The following MCTP2 variants were observed in gnomAD, a reference collection of about 807,000 sequenced individuals.
The protein encoded by MCTP2 is multiple C2 and transmembrane domain containing 2, also known as multiple C2 and transmembrane domain-containing protein 2.
A neutral mutation model predicts 111.6 loss-of-function variants in MCTP2; 132 were observed. That is an observed-to-expected ratio of 1.18 (90% CI 1.03 to 1.37). The LOEUF (loss-of-function observed/expected upper bound fraction) is 1.37, where lower values mean the gene tolerates loss of function less well. Among genes scored for constraint, MCTP2 ranks in the 40% most tolerant of loss-of-function variants. The pLI, the probability that MCTP2 is intolerant of heterozygous loss-of-function variation, is 0.00. For synonymous variants in MCTP2, 395 were observed against 387.7 expected (o/e 1.02, Z -0.22); for missense variants, 1,183 against 1,067.9 (o/e 1.11, Z -1.50).
At chr15:94,404,273 TG>T (rs1451222621) in intron 17 of MCTP2, among the ~76,000 whole-genome samples, 2 of 151,988 alleles carry the variant, frequency 1.3e-5, no homozygotes, top group Non-Finnish European at 2.9e-5. Context: ...GAATAATAAA[TG>T]TATTTCAGTT....
intron 1 of MCTP2, among the ~76,000 whole-genome samples, chr15:94,250,385 G>A (rs1255561220): frequency 2.0e-5 from 3 of 152,146 alleles, no homozygotes; most frequent in Non-Finnish European, 4.4e-5. Flanking sequence ...CTTCACTTGT[G>A]CTGATGGAGT....
At chr15:94,286,748 C>A (rs1313216675) in intron 1 of MCTP2, among the ~76,000 whole-genome samples, 1 of 152,152 alleles carries the variant, frequency 6.6e-6, no homozygotes, top group Non-Finnish European at 1.5e-5. Context: ...TAGAGGCCAG[C>A]TGGGGAGGAT....
rs191785364 is a variant in MCTP2 at position 94,245,376 on chromosome 15, A to G, written c.-66+13712A>G. On this transcript the variant is annotated intron_variant, in intron 1 of 22. Coordinates refer to ENST00000357742, the MANE Select transcript of MCTP2 (RefSeq NM_001385001.1). ...CATATGTATATATATTTACATACAT[A>G]TGTATATGTATTTATATACATGTGT... 2.7e-4 allele frequency among the ~76,000 whole-genome samples: 35 copies of G among 129,272 alleles called. 1 individual carries two copies. The East Asian group carries it at 4.8e-3, about 18-fold the overall frequency. The allele number at this position is 129,272 out of a possible 152,430, so 84.8% of individuals were successfully genotyped here.
intron 14 of MCTP2, among the ~76,000 whole-genome samples, chr15:94,389,088 C>T (rs1430326407): frequency 6.6e-5 from 10 of 151,980 alleles, no homozygotes; most frequent in Non-Finnish European, 8.8e-5. Context: ...CTCACAGGAA[C>T]GAGAAAGGGC....
At chr15:94,450,074 C>A (rs2084346847) in intron 19 of MCTP2, among the ~76,000 whole-genome samples, 1 of 151,564 alleles carries the variant, frequency 6.6e-6, no homozygotes, top group African/African-American at 2.4e-5. Context: ...ACTTTTTCAA[C>A]CCTATTATTT....
intron 2 of MCTP2, 77 bp from the exon 3 acceptor site, chr15:94,314,205 A>G: frequency 1.0e-6 from 1 of 976,708 alleles, no homozygotes; most frequent in Non-Finnish European, 1.6e-6. Flanking sequence ...AAAGGAAAAG[A>G]CCTGATAGAG....
chr15:94,397,907 G>C (rs16949089), intron 14 of MCTP2, among the ~76,000 whole-genome samples: 18,459 of 152,090 alleles, frequency 0.12, 1,273 homozygotes, highest in African/African-American at 0.13. Flanking sequence ...AGAGTTAATA[G>C]GTATGCTTCT....
Position 94,339,363 on chromosome 15 carries a change from C to T in MCTP2, c.711C>T (p.Asn237=), listed in dbSNP as rs374413940. 6 of 1,612,330 alleles carry T rather than the reference C, an allele frequency of 3.7e-6. No individual in the cohort carries two copies. In the African/African-American group the frequency reaches 5.3e-5, roughly 14 times the overall value. Residue 237 remains asparagine (N), a synonymous_variant, in exon 5 of 23, where the codon AAC becomes AAT. Transcript: ENST00000357742. ...TLYKSKVIYK[N]LNPVWDEIVV... The stretch of plus-strand genomic sequence containing the variant: ...ACAAAAGTAAAGTCATATATAAGAA[C>T]TTGAACCCAGTATGGGATGAGATAG...
intron 1 of MCTP2, among the ~76,000 whole-genome samples, 171 bp from the exon 2 acceptor site, chr15:94,298,030 C>T (rs1025338044): frequency 4.0e-5 from 6 of 151,554 alleles, no homozygotes; most frequent in African/African-American, 1.5e-4. Flanking sequence ...AAAATGCTTT[C>T]CCCAATATTT....
chr15:94,305,964 T>C (rs2075860326), intron 2 of MCTP2, among the ~76,000 whole-genome samples: 1 of 152,230 alleles, frequency 6.6e-6, no homozygotes. Context: ...TAACATGCAT[T>C]GTAAAATCAG....
intron 4 of MCTP2, among the ~76,000 whole-genome samples, chr15:94,335,244 G>A (rs12911160): frequency 0.42 from 63,076 of 151,518 alleles, 13,773 homozygotes; most frequent in Admixed American, 0.51. Context: ...TTCCCTCTTC[G>A]TATTAAAGTA....
intron 1 of MCTP2, among the ~76,000 whole-genome samples, chr15:94,241,549 C>T (rs779676861): frequency 1.3e-5 from 2 of 152,066 alleles, no homozygotes; most frequent in Admixed American, 6.6e-5. Context: ...TGACTTAGTA[C>T]TTACAAGGCA....
At chr15:94,383,952 C>G (rs190381241) in intron 12 of MCTP2, 70 bp from the exon 13 acceptor site, 17 of 1,123,552 alleles carry the variant, frequency 1.5e-5, no homozygotes, top group East Asian at 1.5e-4. Flanking sequence ...TTATCTGACT[C>G]TTGTTCACAT....
chr15:94,382,067 G>A (rs2080168373), intron 12 of MCTP2, among the ~76,000 whole-genome samples: 1 of 152,242 alleles, frequency 6.6e-6, no homozygotes, highest in African/African-American at 2.4e-5. Context: ...TTTCAGGCCT[G>A]GGTACTTGGC....
intron 1 of MCTP2, among the ~76,000 whole-genome samples, chr15:94,236,415 C>A (rs1301121808): frequency 8.8e-6 from 1 of 113,814 alleles, no homozygotes; most frequent in African/African-American, 3.5e-5. Flanking sequence ...TACGAAATAG[C>A]CCCATGGTGT....
intron 4 of MCTP2, among the ~76,000 whole-genome samples, chr15:94,316,749 T>C (rs1163296354): frequency 6.6e-6 from 1 of 152,208 alleles, no homozygotes; most frequent in Non-Finnish European, 1.5e-5. Context: ...TTTCATTTCA[T>C]TGTAGGCAAA....
intron 21 of MCTP2, among the ~76,000 whole-genome samples, chr15:94,472,655 G>A (rs1450856404): frequency 6.6e-6 from 1 of 152,116 alleles, no homozygotes; most frequent in East Asian, 1.9e-4. Flanking sequence ...TTTACGTCTG[G>A]TTCTTCAGTT....
At chr15:94,435,276 C>G (rs1848919914) in intron 17 of MCTP2, among the ~76,000 whole-genome samples, 1 of 152,140 alleles carries the variant, frequency 6.6e-6, no homozygotes. Context: ...ACCAAATCTT[C>G]CACTCCATGA....
chr15:94,242,352 A>G (rs921472609), intron 1 of MCTP2, among the ~76,000 whole-genome samples: 13 of 152,190 alleles, frequency 8.5e-5, no homozygotes, highest in Admixed American at 2.6e-4. Flanking sequence ...TGCCTTGCAC[A>G]TAACAGATAC....
Sources: gnomAD v4.1 joint callset for allele counts (sites outside exome capture counted in the v4.1 genomes callset) on GRCh38, gnomAD v4.1.1 for gene constraint, MANE v1.5 for transcripts, NCBI Gene and HGNC (gene_info 2026-07-23, HGNC 2026-07-21) for gene names.